BCR: variants seen among roughly 807,000 people sequenced by gnomAD.
BCR encodes the protein BCR activator of RhoGEF and GTPase.
Under a neutral mutation model 138.6 loss-of-function variants are expected in BCR, and 58 were observed. That is an observed-to-expected ratio of 0.42 (90% confidence interval 0.34 to 0.52). The LOEUF (loss-of-function observed/expected upper bound fraction) is 0.52. Among genes scored for constraint, BCR ranks in the 20% least tolerant of loss-of-function variants. The pLI is 0.06. For synonymous variants in BCR, 786 were observed against 730.1 expected (o/e 1.08, Z -1.23); for missense variants, 1,599 against 1,727.2 (o/e 0.93, Z 1.32).
At chr22:23,269,039 C>T (rs930622295) in intron 5 of BCR, among the ~76,000 whole-genome samples, 9 of 152,266 alleles carry the variant, frequency 5.9e-5, no homozygotes, top group Non-Finnish European at 1.0e-4. Flanking sequence ...ACCCAGGCCC[C>T]AGGTCTGAGA....
At chr22:23,246,713 G>C (rs945035189) in intron 1 of BCR, among the ~76,000 whole-genome samples, 2 of 152,124 alleles carry the variant, frequency 1.3e-5, no homozygotes, top group Admixed American at 6.6e-5. Context: ...GATGATACGT[G>C]GGTTTTCAGC....
At position 23,289,592 on chromosome 22, in the gene BCR, A is replaced by G. The variant is rs1276925014; in HGVS notation, c.2678A>G (p.His893Arg). The change falls in exon 13 of 23, where the codon CAC becomes CGC. Residue 893 changes from histidine (H) to arginine (R), a missense_variant. Coordinates refer to ENST00000305877, the MANE Select transcript of BCR (RefSeq NM_004327.4). ...TNSCVKLQTV[H>R]SIPLTINKED... ...TCGTGTGTGAAACTCCAGACTGTCC[A>G]CAGCATTCCGCTGACCATCAATAAG... The G allele has an allele frequency of 3.1e-6, 5 of 1,613,952 alleles. No individual in the cohort carries two copies. Among genetic ancestry groups the G allele is most frequent in the Non-Finnish European group, 4.2e-6 (5 of 1,179,996 alleles).
chr22:23,314,984 G>A (rs777817018), intron 22 of BCR, among the ~76,000 whole-genome samples: 1 of 152,218 alleles, frequency 6.6e-6, no homozygotes, highest in Non-Finnish European at 1.5e-5. Context: ...CAGCACTTTG[G>A]GAGGCCAAGG....
At chr22:23,187,278 C>CTTT (rs3055923) in intron 1 of BCR, among the ~76,000 whole-genome samples, 4 of 114,538 alleles carry the variant, frequency 3.5e-5, no homozygotes, top group African/African-American at 1.0e-4. Context: ...GCTTAAAATA[C>CTTT]TTTTTTTTTT....
At chr22:23,270,513 A>AC (rs564192892) in intron 5 of BCR, among the ~76,000 whole-genome samples, 17 of 151,592 alleles carry the variant, frequency 1.1e-4, no homozygotes, top group Admixed American at 1.1e-3. Context: ...TGGCTCTCCC[A>AC]CCCCCTTACA....
At chr22:23,264,201 G>C (rs1033105192) in intron 4 of BCR, 19 of 1,212,646 alleles carry the variant, frequency 1.6e-5, no homozygotes, top group Admixed American at 3.4e-5. Flanking sequence ...CTATAGCGTT[G>C]TACGGCTGTG....
intron 21 of BCR, 98 bp downstream of exon 21, chr22:23,314,171 T>TC: frequency 1.0e-6 from 1 of 978,752 alleles, no homozygotes; most frequent in Non-Finnish European, 1.6e-6. Flanking sequence ...GGACCTTTTC[T>TC]CCTGACCCTT....
chr22:23,288,295 G>A, intron 12 of BCR, 123 bp downstream of exon 12: 1 of 1,003,718 alleles, frequency 1.0e-6, no homozygotes, highest in Non-Finnish European at 1.5e-6. Context: ...GTGTTGCATG[G>A]AGGGCTAATT....
intron 8 of BCR, among the ~76,000 whole-genome samples, chr22:23,280,227 C>T (rs1174752992): frequency 6.6e-6 from 1 of 152,188 alleles, no homozygotes; most frequent in Non-Finnish European, 1.5e-5. Context: ...TAGGCTGTGC[C>T]TGGGGTTGGG....
At chr22:23,187,182 C>G (rs539906965) in intron 1 of BCR, among the ~76,000 whole-genome samples, 1 of 152,032 alleles carries the variant, frequency 6.6e-6, no homozygotes, top group South Asian at 2.1e-4. Flanking sequence ...TTTTACTGAT[C>G]ATTGGAAAGT....
intron 1 of BCR, among the ~76,000 whole-genome samples, chr22:23,241,870 TCTC>T (rs1356107340): frequency 6.6e-6 from 1 of 151,912 alleles, no homozygotes; most frequent in Non-Finnish European, 1.5e-5. Context: ...GACCCAGACA[TCTC>T]CTAAATGGAG....
At position 23,237,133 on chromosome 22, in the gene BCR, C is replaced by T. The variant is rs113434829; in HGVS notation, c.1280-16666C>T. On this transcript the variant is annotated intron_variant, in intron 1 of 22. Coordinates refer to ENST00000305877, the MANE Select transcript of BCR (RefSeq NM_004327.4). ...CTGCAGTGGCATGGTGATATAGCCA[C>T]GCCGCCCCTGTTTGTGAGTTGAATC... 6.4e-3 allele frequency among the ~76,000 whole-genome samples: 975 copies of T among 152,346 alleles called. 12 individuals are homozygous for T. The highest frequency in any genetic ancestry group is 0.022 in the African/African-American group (928 of 41,582).
rs565834089 is a variant in BCR at position 23,307,255 on chromosome 22, T to C, written c.3013-2169T>C. Among the ~76,000 whole-genome samples the C allele has an allele frequency of 9.3e-5, 14 of 151,304 alleles. No homozygotes were observed. The East Asian group carries it at 2.7e-3, about 29-fold the overall frequency. On this transcript the variant is annotated intron_variant, in intron 16 of 22. Coordinates refer to ENST00000305877, the MANE Select transcript of BCR (RefSeq NM_004327.4). ...GGACTGCAGGCACATGCCACCATGCTTGGCTAATGCTTTTGAAAATTTTTT... is the reference window on the plus strand; with the variant it reads ...GGACTGCAGGCACATGCCACCATGCCTGGCTAATGCTTTTGAAAATTTTTT...
intron 20 of BCR, 86 bp downstream of exon 20, chr22:23,313,107 G>A (rs1260853350): frequency 2.0e-6 from 3 of 1,487,218 alleles, no homozygotes; most frequent in African/African-American, 2.8e-5. Context: ...TGAGGTGTGG[G>A]AACCCAAGCT....
At chr22:23,222,200 C>T (rs769178024) in intron 1 of BCR, among the ~76,000 whole-genome samples, 1 of 152,212 alleles carries the variant, frequency 6.6e-6, no homozygotes, top group Non-Finnish European at 1.5e-5. Flanking sequence ...GTGCTTTGTT[C>T]ACTTCTACAT....
chr22:23,225,799 C>T (rs2072884624), intron 1 of BCR, among the ~76,000 whole-genome samples: 1 of 152,228 alleles, frequency 6.6e-6, no homozygotes, highest in African/African-American at 2.4e-5. Context: ...CCTTTTCTGG[C>T]CTTTGCTGTC....
intron 2 of BCR, 36 bp from the exon 3 acceptor site, chr22:23,260,914 C>G (rs750991222): frequency 6.3e-7 from 1 of 1,590,010 alleles, no homozygotes; most frequent in Non-Finnish European, 8.6e-7. Context: ...CCCCCTACCA[C>G]CCTTCCAGGC....
At chr22:23,238,177 G>A (rs2073047051) in intron 1 of BCR, among the ~76,000 whole-genome samples, 1 of 152,080 alleles carries the variant, frequency 6.6e-6, no homozygotes, top group African/African-American at 2.4e-5. Flanking sequence ...TTGGTTTATT[G>A]TCTTGTTTTT....
At chr22:23,248,087 T>C (rs375495213) in intron 1 of BCR, among the ~76,000 whole-genome samples, 2 of 152,322 alleles carry the variant, frequency 1.3e-5, no homozygotes, top group East Asian at 3.9e-4. Context: ...CTCACGCTTG[T>C]AATCCCAGCA....
Sources: allele counts gnomAD v4.1 joint callset (sites outside exome capture counted in the v4.1 genomes callset), GRCh38; gene constraint gnomAD v4.1.1; transcripts MANE v1.5; gene names NCBI Gene and HGNC (gene_info 2026-07-23, HGNC 2026-07-21).